Variants in DENND1B observed in about 807,000 individuals in gnomAD.
DENND1B encodes DENN domain containing 1B.
A neutral mutation model predicts 90.1 loss-of-function variants in DENND1B; 59 were observed. The ratio of observed to expected loss-of-function variants is 0.65; its 90% CI spans 0.53 to 0.81. DENND1B has a LOEUF of 0.81. Among genes scored for constraint, DENND1B ranks in the 40% least tolerant of loss-of-function variants. The pLI is 0.00. For missense variants in DENND1B, 862 were observed against 912.6 expected, an observed-to-expected ratio of 0.94 and a Z score of 0.71; for synonymous variants, 337 against 324.6, an observed-to-expected ratio of 1.04 and a Z score of -0.41.
intron 10 of DENND1B, among the ~76,000 whole-genome samples, chr1:197,628,281 C>T (rs1361220739): frequency 1.3e-5 from 2 of 152,098 alleles, no homozygotes; most frequent in Admixed American, 1.3e-4. Flanking sequence ...AACTATACTA[C>T]AAGGCTATAG....
At chr1:197,538,168 C>T (rs1381293936) in intron 20 of DENND1B, among the ~76,000 whole-genome samples, 1 of 152,028 alleles carries the variant, frequency 6.6e-6, no homozygotes, top group Non-Finnish European at 1.5e-5. Flanking sequence ...ACAAAGATCT[C>T]ATATTCGTTT....
intron 15 of DENND1B, among the ~76,000 whole-genome samples, chr1:197,554,100 TACAC>T (rs4026509): frequency 0.15 from 20,616 of 139,768 alleles, 1,533 homozygotes; most frequent in African/African-American, 0.16. Context: ...TCAATGATTA[TACAC>T]ACACACACAC....
chr1:197,728,574 G>A (rs763216854), intron 2 of DENND1B, among the ~76,000 whole-genome samples: 4 of 152,042 alleles, frequency 2.6e-5, no homozygotes, highest in Admixed American at 6.6e-5. Context: ...CATCCTCTAC[G>A]TCTAATCAGC....
chr1:197,527,575 C>T (rs559653604), intron 20 of DENND1B, among the ~76,000 whole-genome samples: 2 of 152,080 alleles, frequency 1.3e-5, no homozygotes, highest in Admixed American at 6.6e-5. Flanking sequence ...AGCGACTGTG[C>T]CTGGCCTATC....
chr1:197,653,380 T>C (rs988834065), intron 6 of DENND1B, among the ~76,000 whole-genome samples: 2 of 152,102 alleles, frequency 1.3e-5, no homozygotes, highest in Non-Finnish European at 2.9e-5. Flanking sequence ...CAATGAAGTA[T>C]ACCATAGAAA....
At chr1:197,772,284 C>T (rs1175961865) in intron 2 of DENND1B, among the ~76,000 whole-genome samples, 1 of 152,084 alleles carries the variant, frequency 6.6e-6, no homozygotes, top group Non-Finnish European at 1.5e-5. Flanking sequence ...ACTTTACCAA[C>T]GAATGGTGAA....
intron 20 of DENND1B, 116 bp from the exon 21 acceptor site, chr1:197,513,069 CA>C: frequency 1.3e-6 from 1 of 761,254 alleles, no homozygotes; most frequent in East Asian, 2.8e-5. Flanking sequence ...AATATGCATT[CA>C]GGGTTTTTGA....
chr1:197,686,418 A>G (rs1657237953), intron 3 of DENND1B, among the ~76,000 whole-genome samples: 1 of 152,202 alleles, frequency 6.6e-6, no homozygotes, highest in East Asian at 1.9e-4. Context: ...CCTTGAAAGC[A>G]TAATACATTC....
chr1:197,620,498 A>G (rs1205371189), intron 10 of DENND1B, among the ~76,000 whole-genome samples: 1 of 151,308 alleles, frequency 6.6e-6, no homozygotes, highest in Non-Finnish European at 1.5e-5. Context: ...TTTTTAGATC[A>G]GATGAATTCT....
intron 3 of DENND1B, among the ~76,000 whole-genome samples, chr1:197,674,946 C>T (rs939312630): frequency 3.9e-5 from 6 of 152,006 alleles, no homozygotes; most frequent in African/African-American, 1.4e-4. Context: ...AGAAACCATA[C>T]ACATTAAAAA....
At chr1:197,554,659 G>A (rs1345735292) in intron 15 of DENND1B, among the ~76,000 whole-genome samples, 1 of 150,604 alleles carries the variant, frequency 6.6e-6, no homozygotes, top group Non-Finnish European at 1.5e-5. Context: ...CCAACATGGT[G>A]AAACTCCATC....
chr1:197,511,946 TGAA>T lies in DENND1B; in HGVS notation c.1599-5_1599-3del. The T allele has an allele frequency of 6.3e-7, 1 of 1,598,470 alleles. No homozygotes were observed. Among genetic ancestry groups the T allele is most frequent in the Non-Finnish European group, 8.5e-7 (1 of 1,172,324 alleles). On this transcript the variant is annotated splice_polypyrimidine_tract_variant and splice_region_variant and intron_variant, in intron 21 of 22. Transcript: ENST00000620048. Reference sequence around the variant, plus strand: ...TCTTCACCATCTTCAGAAGATAACCTGAAGAAAAATAAAACACGCAGTAGTAGG... The same window carrying T: ...TCTTCACCATCTTCAGAAGATAACCTGAAAAATAAAACACGCAGTAGTAGG...
intron 15 of DENND1B, among the ~76,000 whole-genome samples, chr1:197,564,487 T>C (rs1271986891): frequency 6.9e-6 from 1 of 145,842 alleles, no homozygotes; most frequent in Non-Finnish European, 1.5e-5. Context: ...TCAATTAAGG[T>C]ATGTACATTT....
intron 13 of DENND1B, among the ~76,000 whole-genome samples, chr1:197,600,138 A>C (rs1676069079): frequency 6.6e-6 from 1 of 151,822 alleles, no homozygotes; most frequent in African/African-American, 2.4e-5. Flanking sequence ...TGATACACTG[A>C]GCTTGGCTGG....
intron 20 of DENND1B, among the ~76,000 whole-genome samples, chr1:197,539,192 G>A (rs1670143980): frequency 6.6e-6 from 1 of 152,136 alleles, no homozygotes; most frequent in African/African-American, 2.4e-5. Context: ...CCACTGATCA[G>A]TTATGAGACT....
intron 5 of DENND1B, among the ~76,000 whole-genome samples, chr1:197,666,267 A>C (rs982186025): frequency 2.0e-5 from 3 of 152,194 alleles, no homozygotes; most frequent in Non-Finnish European, 4.4e-5. Flanking sequence ...CAATTTATGA[A>C]CTGCTTTAGA....
chr1:197,615,626 C>A (rs1221967163), intron 11 of DENND1B, among the ~76,000 whole-genome samples: 1 of 150,622 alleles, frequency 6.6e-6, no homozygotes, highest in Non-Finnish European at 1.5e-5. Flanking sequence ...ATTTTTTAAC[C>A]TCAAGGATGG....
chr1:197,575,277 T>C (rs1189037846), intron 15 of DENND1B, among the ~76,000 whole-genome samples: 1 of 150,946 alleles, frequency 6.6e-6, no homozygotes, highest in Non-Finnish European at 1.5e-5. Flanking sequence ...GGGAAAAGCA[T>C]AGGAACAGAC....
intron 20 of DENND1B, 96 bp from the exon 21 acceptor site, chr1:197,513,049 T>C: frequency 1.0e-6 from 1 of 986,438 alleles, no homozygotes; most frequent in South Asian, 1.7e-5. Flanking sequence ...TAAGAAACAC[T>C]TTTGCAAGAA....
Sources: gnomAD v4.1 joint callset for allele counts (sites outside exome capture counted in the v4.1 genomes callset) on GRCh38, gnomAD v4.1.1 for gene constraint, MANE v1.5 for transcripts, NCBI Gene and HGNC (gene_info 2026-07-23, HGNC 2026-07-21) for gene names.